Variants in PKN2 observed in about 807,000 individuals in gnomAD.
PKN2 encodes protein kinase N2, also known as serine/threonine-protein kinase N2.
In PKN2, 38 loss-of-function variants were observed where a neutral mutation model predicts 119.1. That is an observed-to-expected ratio of 0.32 (90% CI 0.25 to 0.42). PKN2 has a LOEUF of 0.42. PKN2 is among the 10% of genes least tolerant of loss of function. PKN2 has a pLI of 1.00. For missense variants in PKN2, 850 were observed against 1,165.1 expected (o/e 0.73, Z 3.94); for synonymous variants, 390 against 384.9 (o/e 1.01, Z -0.15).
At chr1:88,761,361 T>C (rs1295533327) in intron 3 of PKN2, among the ~76,000 whole-genome samples, 2 of 152,048 alleles carry the variant, frequency 1.3e-5, no homozygotes, top group Non-Finnish European at 2.9e-5. Flanking sequence ...AGTAGATATT[T>C]TTTAAATAAT....
intron 6 of PKN2, among the ~76,000 whole-genome samples, chr1:88,773,859 T>C: frequency 6.6e-6 from 1 of 151,766 alleles, no homozygotes; most frequent in East Asian, 1.9e-4. Context: ...TACTGAGAGG[T>C]AGGTTAAATT....
rs6681239 is a variant in PKN2 at position 88,756,988 on chromosome 1, C to A, written c.350-3234C>A. On this transcript the variant is annotated intron_variant, in intron 2 of 21. Coordinates refer to ENST00000370521, the MANE Select transcript of PKN2 (RefSeq NM_006256.4). Reference sequence around the variant, plus strand: ...ACATGGTTTGTACTGAATCTCAGTACCAAAACTGAGACTCAAACCTGGGCA... The same window carrying A: ...ACATGGTTTGTACTGAATCTCAGTAACAAAACTGAGACTCAAACCTGGGCA... 5.0e-3 allele frequency among the ~76,000 whole-genome samples: 765 copies of A among 152,106 alleles called. 3 individuals are homozygous for A. The highest frequency in any genetic ancestry group is 0.017 in the African/African-American group (720 of 41,476).
rs113379450 is a variant in PKN2, at chr1:88,778,192, G to A, written c.985+6313G>A. 9.9e-3 allele frequency among the ~76,000 whole-genome samples: 1,508 copies of A among 152,332 alleles called. 21 individuals carry two copies. Among genetic ancestry groups the A allele is most frequent in the African/African-American group, 0.034 (1,427 of 41,560 alleles). ...GCTGTAACCCAACCACCTTGGGCAC[G>A]TGTTGTCAGGACCTCCTGAGGCTGT... On this transcript the variant is annotated intron_variant, in intron 6 of 21. Coordinates refer to ENST00000370521, the MANE Select transcript of PKN2 (RefSeq NM_006256.4).
chr1:88,827,372 T>A (rs1672538430), intron 18 of PKN2, among the ~76,000 whole-genome samples: 1 of 152,064 alleles, frequency 6.6e-6, no homozygotes, highest in African/African-American at 2.4e-5. Context: ...TAATGACATA[T>A]CTTGAGGCCA....
chr1:88,709,801 G>A (rs1420797471), intron 1 of PKN2, among the ~76,000 whole-genome samples: 1 of 152,144 alleles, frequency 6.6e-6, no homozygotes, highest in African/African-American at 2.4e-5. Flanking sequence ...GTCTCCAGTT[G>A]AACAGTGCCA....
chr1:88,814,432 A>C (rs1219031296), intron 16 of PKN2, among the ~76,000 whole-genome samples: 3 of 152,158 alleles, frequency 2.0e-5, no homozygotes, highest in Non-Finnish European at 4.4e-5. Context: ...TGAACCTAGG[A>C]AAGTGATATT....
At chr1:88,709,605 A>G (rs1480305314) in intron 1 of PKN2, among the ~76,000 whole-genome samples, 3 of 152,228 alleles carry the variant, frequency 2.0e-5, no homozygotes, top group Non-Finnish European at 4.4e-5. Flanking sequence ...AATTAGAGCC[A>G]TATTAGGAAC....
chr1:88,708,713 C>T (rs1429181493), intron 1 of PKN2, among the ~76,000 whole-genome samples: 4 of 150,252 alleles, frequency 2.7e-5, no homozygotes, highest in East Asian at 2.0e-4. Context: ...CTACCTGTCT[C>T]GGCCTCCCAC....
intron 16 of PKN2, among the ~76,000 whole-genome samples, chr1:88,820,850 ATT>A (rs1557635500): frequency 1.3e-5 from 2 of 152,192 alleles, no homozygotes; most frequent in African/African-American, 2.4e-5. Flanking sequence ...CACTGAAGAC[ATT>A]TGCATTTTTA....
At chr1:88,787,834 TC>T (rs749840175) in intron 8 of PKN2, among the ~76,000 whole-genome samples, 98 of 152,224 alleles carry the variant, frequency 6.4e-4, no homozygotes, top group Non-Finnish European at 1.0e-3. Context: ...ATCTTTCTTA[TC>T]CCTAATTTGA....
chr1:88,745,754 G>A (rs145095829), intron 2 of PKN2, among the ~76,000 whole-genome samples: 123 of 152,090 alleles, frequency 8.1e-4, no homozygotes, highest in African/African-American at 2.3e-3. Flanking sequence ...AAATTTATAT[G>A]GAATCAGAAA....
At chr1:88,746,994 A>G (rs777714057) in intron 2 of PKN2, among the ~76,000 whole-genome samples, 1 of 152,212 alleles carries the variant, frequency 6.6e-6, no homozygotes, top group Non-Finnish European at 1.5e-5. Context: ...GAAATAAACC[A>G]GACACAGAAA....
At chr1:88,749,310 T>A (rs1245051502) in intron 2 of PKN2, among the ~76,000 whole-genome samples, 1 of 149,270 alleles carries the variant, frequency 6.7e-6, no homozygotes, top group East Asian at 2.0e-4. Flanking sequence ...AAAATTATTC[T>A]AACTCAATCA....
chr1:88,701,307 G>A (rs1666760788), intron 1 of PKN2, among the ~76,000 whole-genome samples: 1 of 152,122 alleles, frequency 6.6e-6, no homozygotes, highest in Non-Finnish European at 1.5e-5. Flanking sequence ...AGCCTGGCAT[G>A]GAGGCAGGTG....
chr1:88,733,623 A>G (rs919635200), intron 1 of PKN2, among the ~76,000 whole-genome samples: 4 of 151,028 alleles, frequency 2.6e-5, no homozygotes, highest in Admixed American at 7.0e-5. Context: ...CTCCCAGTCT[A>G]TGACTGGCAT....
chr1:88,769,202 C>CT (rs1468191380), intron 3 of PKN2, among the ~76,000 whole-genome samples: 9 of 151,978 alleles, frequency 5.9e-5, no homozygotes, highest in Admixed American at 1.3e-4. Context: ...TAATTCAGAG[C>CT]TTTTTTTTGA....
intron 2 of PKN2, among the ~76,000 whole-genome samples, chr1:88,758,038 C>CAAAA (rs33914457): frequency 2.8e-3 from 165 of 58,990 alleles, no homozygotes; most frequent in Non-Finnish European, 3.3e-3. Context: ...GAGACTATCT[C>CAAAA]AAAAAAAAAA....
chr1:88,827,971 C>G (rs1853381), intron 18 of PKN2, among the ~76,000 whole-genome samples: 3 of 151,794 alleles, frequency 2.0e-5, no homozygotes, highest in Admixed American at 6.6e-5. Flanking sequence ...GTGATCCACC[C>G]GCCTCGGCCT....
intron 1 of PKN2, among the ~76,000 whole-genome samples, chr1:88,727,148 G>A (rs1667928615): frequency 6.7e-6 from 1 of 148,264 alleles, no homozygotes; most frequent in South Asian, 2.2e-4. Flanking sequence ...TTGGTGGATA[G>A]ACTTTTTTAT....
Sources: allele counts gnomAD v4.1 joint callset (sites outside exome capture counted in the v4.1 genomes callset), GRCh38; gene constraint gnomAD v4.1.1; transcripts MANE v1.5; gene names NCBI Gene and HGNC (gene_info 2026-07-23, HGNC 2026-07-21).